Variants in ERC2 observed in about 807,000 individuals in gnomAD.
The protein encoded by ERC2 is ELKS/RAB6-interacting/CAST family member 2.
A neutral mutation model predicts 114.8 loss-of-function variants in ERC2; 42 were observed. The ratio of observed to expected loss-of-function variants is 0.37; its 90% confidence interval spans 0.29 to 0.47. The LOEUF is 0.47. ERC2 is among the 20% of genes least tolerant of loss of function. ERC2 has a pLI of 0.99. For missense variants in ERC2, 939 were observed against 1,150.7 expected (o/e 0.82, Z 2.66); for synonymous variants, 454 against 425.5 (o/e 1.07, Z -0.82).
At chr3:56,422,324 G>C (rs771323283) in intron 2 of ERC2, among the ~76,000 whole-genome samples, 9 of 152,160 alleles carry the variant, frequency 5.9e-5, no homozygotes, top group Non-Finnish European at 1.5e-5. Flanking sequence ...ACCTGAAAGG[G>C]TCTGCCAGGC....
At chr3:55,726,477 T>C (rs1263305887) in intron 15 of ERC2, among the ~76,000 whole-genome samples, 2 of 152,260 alleles carry the variant, frequency 1.3e-5, no homozygotes, top group Admixed American at 6.5e-5. Context: ...TGCTTCTTAC[T>C]TTCCTGGACA....
At chr3:56,369,834 G>A (rs2059296099) in intron 2 of ERC2, among the ~76,000 whole-genome samples, 2 of 152,050 alleles carry the variant, frequency 1.3e-5, no homozygotes, top group East Asian at 1.9e-4. Context: ...ACGCCATCAC[G>A]CCCGGCTAAT....
chr3:55,634,333 C>A (rs2059872514), intron 17 of ERC2, among the ~76,000 whole-genome samples: 1 of 152,184 alleles, frequency 6.6e-6, no homozygotes, highest in African/African-American at 2.4e-5. Context: ...TGTATGTAAA[C>A]CATACATTCA....
At chr3:55,642,113 T>C (rs185501948) in intron 17 of ERC2, among the ~76,000 whole-genome samples, 1 of 152,272 alleles carries the variant, frequency 6.6e-6, no homozygotes, top group East Asian at 1.9e-4. Flanking sequence ...GCTGAATGAA[T>C]AAACAATGAG....
rs528770097 is a variant in ERC2 at position 56,223,347 on chromosome 3, A to G, written c.1075-49827T>C. On this transcript the variant is annotated intron_variant, in intron 3 of 17. Coordinates refer to ENST00000288221, the MANE Select transcript of ERC2 (RefSeq NM_015576.3). ...CTGTTAACCACTGTCCCCATTTCAC[A>G]CCACACTGATTGAATTATGCCTCTT... Among the ~76,000 whole-genome samples, 6 of 152,210 alleles carry G rather than the reference A, an allele frequency of 3.9e-5. No individual in the cohort carries two copies. The South Asian group carries it at 8.3e-4, about 21-fold the overall frequency.
chr3:56,023,356 G>A (rs1027711935), intron 7 of ERC2, among the ~76,000 whole-genome samples: 5 of 152,216 alleles, frequency 3.3e-5, no homozygotes, highest in Middle Eastern at 3.4e-3. Context: ...GGGATGGTCC[G>A]TGTGATCTTC....
intron 16 of ERC2, among the ~76,000 whole-genome samples, chr3:55,693,820 T>G (rs2062790489): frequency 6.6e-6 from 1 of 152,052 alleles, no homozygotes; most frequent in African/African-American, 2.4e-5. Context: ...GTGATTCTCC[T>G]GCCTCAGCCT....
chr3:56,370,848 C>A (rs544313102), intron 2 of ERC2, among the ~76,000 whole-genome samples: 4 of 152,292 alleles, frequency 2.6e-5, no homozygotes, highest in Non-Finnish European at 4.4e-5. Context: ...CCTGCCTTGG[C>A]CTCCCAAAGT....
chr3:56,140,631 G>GAAC (rs1319139808), intron 5 of ERC2, among the ~76,000 whole-genome samples: 1 of 152,078 alleles, frequency 6.6e-6, no homozygotes, highest in Non-Finnish European at 1.5e-5. Context: ...ATGCTATTCT[G>GAAC]AACATTCTTA....
chr3:56,227,200 C>G (rs2050303601), intron 3 of ERC2, among the ~76,000 whole-genome samples: 1 of 152,106 alleles, frequency 6.6e-6, no homozygotes, highest in South Asian at 2.1e-4. Flanking sequence ...AATACAGATA[C>G]AGTGTGTTCT....
intron 2 of ERC2, among the ~76,000 whole-genome samples, chr3:56,426,330 T>C (rs916522368): frequency 6.6e-6 from 1 of 152,196 alleles, no homozygotes; most frequent in African/African-American, 2.4e-5. Context: ...AAAGTGCTCA[T>C]CCACCTTCAC....
At chr3:56,050,193 G>A (rs977201214) in intron 7 of ERC2, among the ~76,000 whole-genome samples, 3 of 152,146 alleles carry the variant, frequency 2.0e-5, no homozygotes, top group South Asian at 2.1e-4. Context: ...GAATTTAACT[G>A]TATGTAAGTA....
chr3:56,025,994 C>A (rs1000349314), intron 7 of ERC2, among the ~76,000 whole-genome samples: 1 of 146,424 alleles, frequency 6.8e-6, no homozygotes, highest in Admixed American at 6.8e-5. Flanking sequence ...AATTTGAAAA[C>A]AAATTTTCAG....
intron 17 of ERC2, among the ~76,000 whole-genome samples, chr3:55,629,343 G>A (rs2059651156): frequency 6.6e-6 from 1 of 152,200 alleles, no homozygotes; most frequent in Non-Finnish European, 1.5e-5. Context: ...CTGGGGTTGG[G>A]AGGAAGCCAA....
chr3:56,260,478 C>T (rs1164341036), intron 3 of ERC2, among the ~76,000 whole-genome samples: 2 of 152,214 alleles, frequency 1.3e-5, no homozygotes, highest in African/African-American at 4.8e-5. Flanking sequence ...TTCACAGTGG[C>T]TCCCAGGGGC....
At chr3:55,547,861 T>A (rs546216398) in intron 17 of ERC2, among the ~76,000 whole-genome samples, 1 of 152,302 alleles carries the variant, frequency 6.6e-6, no homozygotes, top group East Asian at 1.9e-4. Context: ...GCAGCAGACG[T>A]AAGGTCACAC....
At chr3:56,109,347 T>C (rs1372738273) in intron 6 of ERC2, among the ~76,000 whole-genome samples, 4 of 152,194 alleles carry the variant, frequency 2.6e-5, no homozygotes, top group African/African-American at 7.2e-5. Context: ...ACAAAAGACA[T>C]AATCTCATTC....
chr3:56,360,010 CAAT>C (rs906111540), intron 2 of ERC2, among the ~76,000 whole-genome samples: 3 of 149,668 alleles, frequency 2.0e-5, no homozygotes, highest in African/African-American at 7.4e-5. Context: ...CCATAGCAGC[CAAT>C]TAATGGTAAG....
chr3:56,349,912 CAAAAAAAA>C (rs35271051), intron 2 of ERC2, among the ~76,000 whole-genome samples: 1 of 125,240 alleles, frequency 8.0e-6, no homozygotes, highest in South Asian at 2.6e-4. Flanking sequence ...GACTCCGTCT[CAAAAAAAA>C]AAAAAGAAAA....
Sources: allele counts gnomAD v4.1 joint callset (sites outside exome capture counted in the v4.1 genomes callset), GRCh38; gene constraint gnomAD v4.1.1; transcripts MANE v1.5; gene names NCBI Gene and HGNC (gene_info 2026-07-23, HGNC 2026-07-21).